Variants in CEP72 observed in about 807,000 individuals in gnomAD.
CEP72 encodes the protein centrosomal protein 72, also known as centrosomal protein of 72 kDa.
CEP72 carries 78 observed loss-of-function variants against 65.7 expected under a neutral mutation model. The observed-to-expected ratio is 1.19, with a 90% CI of 0.99 to 1.43. CEP72 has a LOEUF of 1.43. Among genes scored for constraint, CEP72 ranks in the 40% most tolerant of loss-of-function variants. CEP72 has a pLI of 0.00. For missense variants in CEP72, 914 were observed against 832.9 expected (o/e 1.10, Z -1.20); for synonymous variants, 358 against 351.7 (o/e 1.02, Z -0.20).
downstream of CEP72, among the ~76,000 whole-genome samples, chr5:668,042 G>C (rs371338095): frequency 2.0e-3 from 86 of 42,864 alleles, 22 homozygotes; most frequent in East Asian, 0.061. Flanking sequence ...GGGGCCGTGT[G>C]GGCGCCGTCA....
At chr5:637,949 G>T in intron 7 of CEP72, 131 bp downstream of exon 7, 3 of 907,294 alleles carry the variant, frequency 3.3e-6, no homozygotes, top group Non-Finnish European at 3.2e-6. Flanking sequence ...GGCTGTTACG[G>T]CGGTGCCGTG....
intron 11 of CEP72, among the ~76,000 whole-genome samples, chr5:651,298 TGACTGTGAGGTGTGACTGTGAGGCGTG>T (rs1488888156): frequency 1.3e-3 from 66 of 50,946 alleles, no homozygotes; most frequent in African/African-American, 4.3e-3. Context: ...CTGTGAGGTG[TGACTGTGAGGTGTGACTGTGAGGCGTG>T]GACTGTGAGG....
At chr5:670,574 C>T (rs1358622176), downstream of CEP72, among the ~76,000 whole-genome samples, 1 of 152,064 alleles carries the variant, frequency 6.6e-6, no homozygotes, top group Non-Finnish European at 1.5e-5. Flanking sequence ...GGAGGGGGAG[C>T]TTCTGGGGAG....
In CEP72 at chr5:666,036, G is replaced by A. The variant is rs370610823; in HGVS notation, n.529G>A. 2.8e-5 allele frequency: 45 copies of A among 1,608,916 alleles called. No homozygotes were observed. In the East Asian group the frequency reaches 6.1e-4, roughly 22 times the overall value. On this transcript the variant is annotated non_coding_transcript_exon_variant, in exon 4 of 5. Coordinates refer to the CEP72 transcript ENST00000514507. ...TGTGCACCTCGCGAACGGCCTCCTCGCTGCTCTTGTCTTTGAATCGCTTCT... is the reference window on the plus strand; with the variant it reads ...TGTGCACCTCGCGAACGGCCTCCTCACTGCTCTTGTCTTTGAATCGCTTCT...
chr5:635,398 TTGGTACAGTACCA>T lies in CEP72; in HGVS notation c.719_731del (p.Leu240CysfsTer124). The T allele has an allele frequency of 6.2e-7, 1 of 1,613,376 alleles. No homozygotes were observed. Among genetic ancestry groups the T allele is most frequent in the Non-Finnish European group, 8.5e-7 (1 of 1,179,326 alleles). ...ATCCAGACATCTGTTGAGCCCGCAG[TTGGTACAGTACCA>T]GTGTGGGGACTCTGGGAAGCAGGGC... On this transcript the variant is annotated frameshift_variant, in exon 6 of 12. Transcript: ENST00000264935. LOFTEE classifies it high-confidence loss of function.
chr5:626,235 C>T (rs1319386272), intron 4 of CEP72, among the ~76,000 whole-genome samples: 1 of 151,952 alleles, frequency 6.6e-6, no homozygotes, highest in Non-Finnish European at 1.5e-5. Flanking sequence ...CTTTTCTTAC[C>T]TTACTGCCTT....
the CEP72 span, among the ~76,000 whole-genome samples, chr5:672,758 G>A: frequency 1.3e-5 from 2 of 152,354 alleles, no homozygotes; most frequent in South Asian, 2.1e-4. Context: ...GCCTGTGCAC[G>A]CTATGCCTCC....
chr5:628,918 C>A lies in CEP72; in HGVS notation c.512+4339C>A, dbSNP rs139795467. ...CTGGGGAGTGGCCCCAGGACCCAGC[C>A]CCCTTCTTTGTGCAGCGTTCTGGAG... is the stretch of plus-strand genomic sequence containing the variant. On this transcript the variant is annotated intron_variant, in intron 4 of 11. Transcript: ENST00000264935. Among the ~76,000 whole-genome samples, 8 of 111,132 alleles carry A rather than the reference C, an allele frequency of 7.2e-5. No individual in the cohort carries two copies. In the East Asian group the frequency reaches 1.7e-3, roughly 23 times the overall value. The allele number at this position is 111,132 out of a possible 152,430, so 72.9% of individuals were successfully genotyped here.
downstream of CEP72, among the ~76,000 whole-genome samples, chr5:659,560 T>C (rs1198006562): frequency 6.6e-6 from 1 of 150,656 alleles, no homozygotes; most frequent in Non-Finnish European, 1.5e-5. Flanking sequence ...TTTTGGGGGC[T>C]CTGGTGGTGT....
intron 10 of CEP72, 150 bp downstream of exon 10, chr5:644,575 G>A: frequency 1.1e-6 from 1 of 914,530 alleles, no homozygotes; most frequent in Non-Finnish European, 1.7e-6. Context: ...CACTGGCTGG[G>A]GTGGAGGCTG....
rs187390695 is a variant in CEP72 at position 623,732 on chromosome 5, G to A, written c.404-739G>A. Among the ~76,000 whole-genome samples, 12 of 152,136 alleles carry A rather than the reference G, an allele frequency of 7.9e-5. No homozygotes were observed. Among genetic ancestry groups the A allele is most frequent in the African/African-American group, 2.9e-4 (12 of 41,486 alleles). On this transcript the variant is annotated intron_variant, in intron 3 of 11. Coordinates refer to ENST00000264935, the MANE Select transcript of CEP72 (RefSeq NM_018140.4). The surrounding 1 kb of genome is among the most constrained non-coding windows in gnomAD (Gnocchi z 5.3). ...GTGCCCTGTGTGCTGGGTGGAGAGT[G>A]CCCCAGGTTGCAGAGGCCTCTGACT... is the stretch of plus-strand genomic sequence containing the variant.
intron 4 of CEP72, among the ~76,000 whole-genome samples, chr5:632,717 A>G (rs61365612): frequency 4.3e-3 from 75 of 17,580 alleles, no homozygotes; most frequent in South Asian, 0.011. Context: ...GTGGGGTTCT[A>G]TCCAGTGCCG....
intron 2 of CEP72, chr5:664,729 G>A (rs748230415): frequency 1.4e-5 from 3 of 215,888 alleles, no homozygotes; most frequent in Non-Finnish European, 2.8e-5. Flanking sequence ...CTCCTGGAAG[G>A]TGTCTGCCGC....
intron 3 of CEP72, among the ~76,000 whole-genome samples, chr5:622,911 C>G (rs534740524): frequency 6.6e-6 from 1 of 152,260 alleles, no homozygotes; most frequent in African/African-American, 2.4e-5. Context: ...TCAGGAGCTA[C>G]AGTCCTTATT....
Position 625,977 on chromosome 5 carries a change from C to T in CEP72, c.512+1398C>T, listed in dbSNP as rs570076638. ...TGGTAATTTGATTGCCTCTGTAAGT[C>T]GCTGTTTCCAAGAAAGGTTGCATTC... On this transcript the variant is annotated intron_variant, in intron 4 of 11. Coordinates refer to ENST00000264935, the MANE Select transcript of CEP72 (RefSeq NM_018140.4). Among the ~76,000 whole-genome samples, 9 of 151,558 alleles carry T rather than the reference C, an allele frequency of 5.9e-5. No homozygotes were observed. The South Asian group carries it at 1.0e-3, about 18-fold the overall frequency.
chr5:642,178 A>C, intron 9 of CEP72: 1 of 930,032 alleles, frequency 1.1e-6, no homozygotes, highest in Non-Finnish European at 1.3e-6. Flanking sequence ...AAGCCTCTGC[A>C]TTTAAACACA....
chr5:637,852 G>C, intron 7 of CEP72, 34 bp downstream of exon 7: 1 of 1,482,422 alleles, frequency 6.7e-7, no homozygotes, highest in African/African-American at 1.4e-5. Flanking sequence ...CAGGCCCACG[G>C]CACTGCCTCC....
At chr5:641,538 AAAC>A (rs143010015) in intron 9 of CEP72, 29,658 of 985,120 alleles carry the variant, frequency 0.03, 2,038 homozygotes, top group African/African-American at 0.25. Context: ...AAACACAGCA[AAAC>A]AACACAGGCA....
At chr5:620,838 T>TC (rs1466119401) in intron 3 of CEP72, among the ~76,000 whole-genome samples, 1 of 152,014 alleles carries the variant, frequency 6.6e-6, no homozygotes. Flanking sequence ...GTAGGGAGGG[T>TC]CCCTGGGTTG....
Sources: allele counts gnomAD v4.1 joint callset (sites outside exome capture counted in the v4.1 genomes callset), GRCh38; gene constraint gnomAD v4.1.1; non-coding constraint Gnocchi (gnomAD v3.1); transcripts MANE v1.5; gene names NCBI Gene and HGNC (gene_info 2026-07-23, HGNC 2026-07-21).